ACSS3: variants seen among roughly 807,000 people sequenced by gnomAD.
ACSS3 encodes acyl-CoA synthetase short-chain family member 3, mitochondrial.
In ACSS3, 64 loss-of-function variants were observed where a neutral mutation model predicts 84.2. That is an observed-to-expected ratio of 0.76 (90% CI 0.62 to 0.94). The LOEUF is 0.94. ACSS3 is among the 40% of genes least tolerant of loss of function. ACSS3 has a pLI of 0.00. For synonymous variants in ACSS3, 317 were observed against 310.1 expected (o/e 1.02, Z -0.23); for missense variants, 815 against 867.6 (o/e 0.94, Z 0.76).
chr12:81,097,216 G>C (rs1435410195), intron 1 of ACSS3, among the ~76,000 whole-genome samples: 1 of 152,180 alleles, frequency 6.6e-6, no homozygotes, highest in Non-Finnish European at 1.5e-5. Context: ...AAGGGAGTGG[G>C]AATGCTTTTC....
At chr12:81,105,816 A>T (rs1194154739) in intron 1 of ACSS3, among the ~76,000 whole-genome samples, 1 of 152,178 alleles carries the variant, frequency 6.6e-6, no homozygotes, top group African/African-American at 2.4e-5. Flanking sequence ...TTACAGTGTA[A>T]TGAAGGAAAC....
intron 9 of ACSS3, among the ~76,000 whole-genome samples, chr12:81,205,794 T>A (rs2032320679): frequency 6.6e-6 from 1 of 152,096 alleles, no homozygotes; most frequent in African/African-American, 2.4e-5. Flanking sequence ...GAATTTTATA[T>A]CCCTGGAATC....
chr12:81,188,193 C>G (rs1031876930), intron 8 of ACSS3, among the ~76,000 whole-genome samples: 7 of 151,708 alleles, frequency 4.6e-5, no homozygotes, highest in Non-Finnish European at 1.0e-4. Flanking sequence ...ATATATATCT[C>G]TGATAGGTTA....
intron 2 of ACSS3, among the ~76,000 whole-genome samples, chr12:81,131,011 T>G (rs1378939198): frequency 6.6e-6 from 1 of 152,230 alleles, no homozygotes; most frequent in Non-Finnish European, 1.5e-5. Flanking sequence ...ACCAGTACCA[T>G]GCTGTTTTGG....
Position 81,085,134 on chromosome 12 carries a change from C to G in ACSS3, c.311+6703C>G, listed in dbSNP as rs116106677. Among the ~76,000 whole-genome samples the G allele has an allele frequency of 7.7e-3, 1,168 of 152,260 alleles. 17 individuals are homozygous for G. The highest frequency in any genetic ancestry group is 0.027 in the African/African-American group (1,124 of 41,558). ...GAAGGGAATTTTGCTTGTTTTGAAGCCTACTGCTCAACAGGACTCCTTGTT... is the reference window on the plus strand; with the variant it reads ...GAAGGGAATTTTGCTTGTTTTGAAGGCTACTGCTCAACAGGACTCCTTGTT... On this transcript the variant is annotated intron_variant, in intron 1 of 15. Transcript: ENST00000548058.
chr12:81,104,311 G>C (rs1191151300), intron 1 of ACSS3, among the ~76,000 whole-genome samples: 1 of 152,068 alleles, frequency 6.6e-6, no homozygotes, highest in Non-Finnish European at 1.5e-5. Context: ...TTCTCTCTGT[G>C]ACTACAGAAC....
intron 2 of ACSS3, among the ~76,000 whole-genome samples, chr12:81,121,552 T>C (rs1419406223): frequency 2.0e-5 from 3 of 152,204 alleles, no homozygotes; most frequent in Non-Finnish European, 4.4e-5. Context: ...CTTAATGTTC[T>C]CTTTTTACAG....
chr12:81,131,529 T>C (rs900873861), intron 2 of ACSS3, among the ~76,000 whole-genome samples: 1 of 152,204 alleles, frequency 6.6e-6, no homozygotes, highest in Non-Finnish European at 1.5e-5. Context: ...GATTTGGGGC[T>C]GAGATGATGG....
chr12:81,130,310 T>C (rs1316239934), intron 2 of ACSS3, among the ~76,000 whole-genome samples: 1 of 152,206 alleles, frequency 6.6e-6, no homozygotes, highest in East Asian at 1.9e-4. Flanking sequence ...TTTTTAATGA[T>C]CGCCATTCTA....
intron 9 of ACSS3, among the ~76,000 whole-genome samples, chr12:81,205,041 G>A (rs1402617336): frequency 2.6e-5 from 4 of 152,068 alleles, no homozygotes; most frequent in East Asian, 1.9e-4. Flanking sequence ...TGTAATCTGA[G>A]TATTTCACTC....
At chr12:81,161,939 G>A (rs1887173794) in intron 7 of ACSS3, among the ~76,000 whole-genome samples, 1 of 152,216 alleles carries the variant, frequency 6.6e-6, no homozygotes, top group South Asian at 2.1e-4. Context: ...GAAGCTTGGA[G>A]ATGCCAGGAA....
intron 9 of ACSS3, among the ~76,000 whole-genome samples, chr12:81,209,749 T>A (rs2032511023): frequency 6.6e-6 from 1 of 152,158 alleles, no homozygotes; most frequent in South Asian, 2.1e-4. Context: ...TTTAATTATA[T>A]GCTAGACAAG....
chr12:81,158,782 A>T (rs1485130609), intron 7 of ACSS3, among the ~76,000 whole-genome samples: 2 of 152,090 alleles, frequency 1.3e-5, no homozygotes, highest in Non-Finnish European at 2.9e-5. Flanking sequence ...CTCCCTGATT[A>T]GGTCAAATCC....
At chr12:81,231,285 A>T (rs2033454561) in intron 12 of ACSS3, 147 bp downstream of exon 12, 1 of 598,168 alleles carries the variant, frequency 1.7e-6, no homozygotes, top group Non-Finnish European at 2.9e-6. Flanking sequence ...CAGGGATAAG[A>T]ATGCCCAACT....
chr12:81,184,293 G>A (rs2031122138), intron 8 of ACSS3, among the ~76,000 whole-genome samples: 1 of 151,922 alleles, frequency 6.6e-6, no homozygotes, highest in Non-Finnish European at 1.5e-5. Flanking sequence ...AGCAAAAGCA[G>A]TTCCAGGAGG....
chr12:81,139,154 A>C lies in ACSS3; in HGVS notation c.669A>C (p.Ser223=). Residue 223 remains serine (S), a synonymous_variant, in exon 4 of 16, where the codon TCA becomes TCC. Coordinates refer to ENST00000548058, the MANE Select transcript of ACSS3 (RefSeq NM_024560.4). ...AGCCCAAGGTGGTTGTTACAGCATC[A>C]TTTGGCATTGAACCTGGAAGGAGGG... The part of the protein sequence containing the change: ...HVKPKVVVTA[S]FGIEPGRRVE... 6.2e-7 allele frequency: 1 copy of C among 1,613,772 alleles called. No individual in the cohort carries two copies. Among genetic ancestry groups the C allele is most frequent in the Non-Finnish European group, 8.5e-7 (1 of 1,179,740 alleles).
intron 1 of ACSS3, among the ~76,000 whole-genome samples, chr12:81,105,572 G>C (rs1882916326): frequency 6.6e-6 from 1 of 152,076 alleles, no homozygotes; most frequent in South Asian, 2.1e-4. Flanking sequence ...CTATTCTCTT[G>C]ACTTTAAAAT....
At chr12:81,130,334 A>G (rs372476198) in intron 2 of ACSS3, among the ~76,000 whole-genome samples, 2 of 152,094 alleles carry the variant, frequency 1.3e-5, no homozygotes, top group Admixed American at 6.6e-5. Context: ...GGTGTGAGAT[A>G]GTATCTCATT....
intron 4 of ACSS3, among the ~76,000 whole-genome samples, chr12:81,139,850 T>C (rs1468531572): frequency 2.0e-5 from 3 of 152,006 alleles, no homozygotes; most frequent in Admixed American, 2.0e-4. Flanking sequence ...TTAGCCAGGA[T>C]GGTCTCGATC....
Sources: allele counts gnomAD v4.1 joint callset (sites outside exome capture counted in the v4.1 genomes callset), GRCh38; gene constraint gnomAD v4.1.1; transcripts MANE v1.5; gene names NCBI Gene and HGNC (gene_info 2026-07-23, HGNC 2026-07-21).